TPRG1: variants seen among roughly 807,000 people sequenced by gnomAD.
TPRG1 encodes the protein tumor protein p63-regulated gene 1 protein.
A neutral mutation model predicts 29.3 loss-of-function variants in TPRG1; 29 were observed. The ratio of observed to expected loss-of-function variants is 0.99; its 90% confidence interval spans 0.74 to 1.35. TPRG1 has a LOEUF of 1.35. Ranked by LOEUF, TPRG1 falls within the 40% of genes most tolerant of loss-of-function variation. TPRG1 has a pLI of 0.00. For missense variants in TPRG1, 327 were observed against 335.0 expected (o/e 0.98, Z 0.19); for synonymous variants, 130 against 116.8 (o/e 1.11, Z -0.73).
At chr3:189,108,421 G>A (rs1054437257) in intron 1 of TPRG1, among the ~76,000 whole-genome samples, 4 of 151,970 alleles carry the variant, frequency 2.6e-5, no homozygotes, top group African/African-American at 7.2e-5. Flanking sequence ...TGCCATGACA[G>A]AGGATGAAAA....
chr3:189,130,039 T>C (rs1329507396), intron 2 of TPRG1, among the ~76,000 whole-genome samples: 1 of 152,200 alleles, frequency 6.6e-6, no homozygotes, highest in Non-Finnish European at 1.5e-5. Flanking sequence ...ATGATTATGT[T>C]GATGACTATG....
chr3:189,008,230 G>A (rs1342819244), intron 3 of TPRG1, among the ~76,000 whole-genome samples: 1 of 152,074 alleles, frequency 6.6e-6, no homozygotes, highest in African/African-American at 2.4e-5. Context: ...GAGTGCCATC[G>A]ACTTTGTCCA....
intron 4 of TPRG1, among the ~76,000 whole-genome samples, chr3:189,285,110 C>G (rs893213530): frequency 3.9e-5 from 6 of 152,086 alleles, no homozygotes; most frequent in Non-Finnish European, 7.4e-5. Context: ...ATCAAACAAC[C>G]CCATCAACAA....
intron 1 of TPRG1, among the ~76,000 whole-genome samples, chr3:189,193,626 T>C (rs75566934): frequency 3.4e-5 from 5 of 149,122 alleles, no homozygotes; most frequent in South Asian, 2.1e-4. Flanking sequence ...TTTTTTTTTT[T>C]CTCTGACTTT....
intron 3 of TPRG1, among the ~76,000 whole-genome samples, chr3:189,022,772 G>C (rs948618228): frequency 4.6e-5 from 7 of 152,220 alleles, no homozygotes; most frequent in Non-Finnish European, 1.0e-4. Flanking sequence ...GGAACTTCCC[G>C]GCTGCTTTGT....
chr3:189,301,298 CAAAAAAAAAAAA>C (rs10618021), intron 4 of TPRG1, among the ~76,000 whole-genome samples: 5 of 43,602 alleles, frequency 1.1e-4, no homozygotes, highest in East Asian at 2.2e-3. Context: ...GACTCCATCT[CAAAAAAAAAAAA>C]AAAAAAAAAA....
chr3:189,209,208 C>T (rs998104162), intron 2 of TPRG1, among the ~76,000 whole-genome samples: 9 of 152,124 alleles, frequency 5.9e-5, no homozygotes, highest in African/African-American at 1.4e-4. Flanking sequence ...TGGAAGGAGA[C>T]GCAGGTACAG....
In TPRG1 at chr3:189,276,835, G is replaced by A. The variant is rs149653061; in HGVS notation, c.480-33551G>A. ...CTGCTTCCTTGGGAAGAGACCAAGA[G>A]AGGCAGGGTTTTTCGAAACACCTAA... On this transcript the variant is annotated intron_variant, in intron 4 of 5. Transcript: ENST00000345063. Among the ~76,000 whole-genome samples the A allele has an allele frequency of 2.6e-4, 40 of 152,168 alleles. No homozygotes were observed. The East Asian group carries it at 7.0e-3, about 26-fold the overall frequency.
At chr3:189,149,952 C>T (rs886719150) in intron 4 of TPRG1, among the ~76,000 whole-genome samples, 2 of 152,228 alleles carry the variant, frequency 1.3e-5, no homozygotes, top group African/African-American at 4.8e-5. Context: ...TTAGCATCGA[C>T]TCTTGCCTGC....
At chr3:189,286,555 A>G (rs1576963376) in intron 4 of TPRG1, among the ~76,000 whole-genome samples, 1 of 152,118 alleles carries the variant, frequency 6.6e-6, no homozygotes, top group African/African-American at 2.4e-5. Flanking sequence ...CTCAAGCAGG[A>G]TCAATCAGAT....
At chr3:189,261,128 C>A (rs1453081687) in intron 4 of TPRG1, among the ~76,000 whole-genome samples, 2 of 152,146 alleles carry the variant, frequency 1.3e-5, no homozygotes, top group African/African-American at 4.8e-5. Context: ...GAACACAGAG[C>A]AAATAGCTGA....
chr3:189,251,262 A>G (rs1020052452), intron 4 of TPRG1, among the ~76,000 whole-genome samples: 7 of 151,926 alleles, frequency 4.6e-5, no homozygotes, highest in Middle Eastern at 3.4e-3. Flanking sequence ...AATAAAACAG[A>G]GTTTTGTTTT....
At chr3:189,161,016 G>A (rs1268526072) in intron 5 of TPRG1, among the ~76,000 whole-genome samples, 3 of 152,206 alleles carry the variant, frequency 2.0e-5, no homozygotes, top group Admixed American at 6.5e-5. Context: ...GGCATGGCCT[G>A]GACACAGAAC....
At position 189,022,019 on chromosome 3, in the gene TPRG1, C is replaced by T. The variant is rs370319162; in HGVS notation, c.-659-1731C>T. On this transcript the variant is annotated intron_variant, in intron 3 of 10. Coordinates refer to the TPRG1 transcript ENST00000433971. ...ACTGATACCCTTTCTTCCAGTTGAT[C>T]GCATTGGCTCCTGAGGCTTCTGCAT... is the stretch of plus-strand genomic sequence containing the variant. Among the ~76,000 whole-genome samples the T allele has an allele frequency of 6.8e-4, 104 of 152,270 alleles. 1 individual carries two copies. The South Asian group carries it at 0.017, about 24-fold the overall frequency.
chr3:189,198,815 C>T (rs956679399), intron 1 of TPRG1, among the ~76,000 whole-genome samples: 6 of 152,166 alleles, frequency 3.9e-5, no homozygotes, highest in Admixed American at 2.0e-4. Context: ...AACTCAAGTG[C>T]TCTCATAACC....
At chr3:189,040,128 TC>T (rs1399847039) in intron 4 of TPRG1, among the ~76,000 whole-genome samples, 1 of 152,180 alleles carries the variant, frequency 6.6e-6, no homozygotes, top group African/African-American at 2.4e-5. Flanking sequence ...CTAGCTTGCC[TC>T]CACTAAACTC....
At chr3:189,087,493 A>G (rs959196569) in intron 4 of TPRG1, among the ~76,000 whole-genome samples, 1 of 151,906 alleles carries the variant, frequency 6.6e-6, no homozygotes, top group African/African-American at 2.4e-5. Flanking sequence ...TTTGCTGTGC[A>G]GAAGCTCTTT....
intron 4 of TPRG1, among the ~76,000 whole-genome samples, chr3:189,274,740 C>T (rs962009805): frequency 1.3e-5 from 2 of 152,064 alleles, no homozygotes. Context: ...TGTCCCTCAA[C>T]TTGGAAATAG....
intron 4 of TPRG1, among the ~76,000 whole-genome samples, chr3:189,045,551 T>C (rs994077515): frequency 1.3e-5 from 2 of 152,252 alleles, no homozygotes; most frequent in Non-Finnish European, 2.9e-5. Context: ...CACTTCAGCT[T>C]CTTATTCTGT....
Sources: gnomAD v4.1 joint callset for allele counts (sites outside exome capture counted in the v4.1 genomes callset) on GRCh38, gnomAD v4.1.1 for gene constraint, MANE v1.5 for transcripts, NCBI Gene and HGNC (gene_info 2026-07-23, HGNC 2026-07-21) for gene names.